ACTN4: variants seen among roughly 807,000 people sequenced by gnomAD.
ACTN4 encodes the protein actinin alpha 4, also known as alpha-actinin-4.
A neutral mutation model predicts 114.2 loss-of-function variants in ACTN4; 18 were observed. That is an observed-to-expected ratio of 0.16 (90% CI 0.11 to 0.23). The LOEUF (loss-of-function observed/expected upper bound fraction) is 0.23, where lower values mean the gene tolerates loss of function less well. ACTN4 is among the 10% of genes least tolerant of loss of function. ACTN4 has a pLI of 1.00. For synonymous variants in ACTN4, 515 were observed against 506.3 expected, an observed-to-expected ratio of 1.02 and a Z score of -0.23; for missense variants, 722 against 1,262.9, an observed-to-expected ratio of 0.57 and a Z score of 6.49.
At position 38,727,134 on chromosome 19, in the gene ACTN4, C is replaced by T; in HGVS notation, c.2337+31C>T. The T allele has an allele frequency of 6.2e-7, 1 of 1,613,102 alleles. No individual in the cohort carries two copies. The highest frequency in any genetic ancestry group is 8.5e-7 in the Non-Finnish European group (1 of 1,179,898). On this transcript the variant is annotated intron_variant, in intron 18 of 20. Transcript: ENST00000252699. The surrounding 1 kb of genome is among the most constrained non-coding windows in gnomAD (Gnocchi z 5.4). The stretch of plus-strand genomic sequence containing the variant: ...CAGCCTGCCACCTCCTCGGCCTCTC[C>T]CCTCCCGCCGTTGCCGTACCAGCCC...
chr19:38,660,494 C>G (rs1310332186), intron 1 of ACTN4, among the ~76,000 whole-genome samples: 1 of 151,830 alleles, frequency 6.6e-6, no homozygotes, highest in Non-Finnish European at 1.5e-5. Flanking sequence ...CTCCTGGGTT[C>G]AAGCAATTCT....
In ACTN4 at chr19:38,673,488, CATATATATTTATATATATGA is replaced by C. The variant is rs1415966107; in HGVS notation, c.162+25600_162+25619del. Among the ~76,000 whole-genome samples the C allele has an allele frequency of 4.8e-4, 22 of 45,738 alleles. 1 individual carries two copies. The highest frequency in any genetic ancestry group is 7.6e-4 in the Non-Finnish European group (14 of 18,438). 30.0% of individuals were successfully genotyped at this position (45,738 alleles called of 152,430 possible). Reference sequence around the variant, plus strand: ...ATTTATATATATTTATATATATATTCATATATATTTATATATATGAATATATATTTATATATATTCATATA... The same window carrying C: ...ATTTATATATATTTATATATATATTCATATATATTTATATATATTCATATA... On this transcript the variant is annotated intron_variant, in intron 1 of 20. Transcript: ENST00000252699.
intron 20 of ACTN4, 26 bp downstream of exon 20, chr19:38,729,180 TG>T: frequency 6.2e-7 from 1 of 1,612,444 alleles, no homozygotes; most frequent in Non-Finnish European, 8.5e-7. Context: ...ACGAGGTGCA[TG>T]GGGGCTGGCG....
chr19:38,684,520 T>A (rs1174049428), intron 1 of ACTN4, among the ~76,000 whole-genome samples: 3 of 152,174 alleles, frequency 2.0e-5, no homozygotes, highest in African/African-American at 4.8e-5. Context: ...AGGGGCCCCT[T>A]TGTCCTTTGA....
chr19:38,725,050 C>T (rs547382895), intron 16 of ACTN4, among the ~76,000 whole-genome samples: 2 of 152,134 alleles, frequency 1.3e-5, no homozygotes, highest in Non-Finnish European at 2.9e-5. Flanking sequence ...TCCTGTCCTC[C>T]CAGCTCTAAA....
Position 38,717,877 on chromosome 19 carries a change from G to A in ACTN4, c.1144-50G>A. 6.4e-7 allele frequency: 1 copy of A among 1,556,160 alleles called. No individual in the cohort carries two copies. The highest frequency in any genetic ancestry group is 8.7e-7 in the Non-Finnish European group (1 of 1,150,038). On this transcript the variant is annotated intron_variant, in intron 10 of 20. Coordinates refer to ENST00000252699, the MANE Select transcript of ACTN4 (RefSeq NM_004924.6). The surrounding 1 kb of genome is among the most constrained non-coding windows in gnomAD (Gnocchi z 4.0). ...AGCATCCCTTGGAGACATCCCCCTG[G>A]GTGCCTCCACTTCCTTGTGATAGCC...
rs761068296 is a variant in ACTN4, at chr19:38,701,109, A to G, written c.385A>G (p.Ile129Val). 8.7e-6 allele frequency: 14 copies of G among 1,614,034 alleles called. No homozygotes were observed. Among genetic ancestry groups the G allele is most frequent in the East Asian group, 2.2e-5 (1 of 44,886 alleles). The change falls in exon 3 of 21, where the codon ATC becomes GTC. Residue 129 changes from isoleucine to valine, a missense_variant. Transcript: ENST00000252699. ...CAGCAAAGGCGTCAAGCTGGTCTCC[A>G]TCGGGGCAGAAGGTGAGCTGGAGGT... ...IASKGVKLVS[I>V]GAEEIVDGNA...
intron 1 of ACTN4, among the ~76,000 whole-genome samples, chr19:38,658,113 C>T (rs1976765546): frequency 6.6e-6 from 1 of 152,140 alleles, no homozygotes; most frequent in Non-Finnish European, 1.5e-5. Flanking sequence ...GGCACAGCAG[C>T]CTTGCCAGGT....
chr19:38,681,254 A>T (rs991148899), intron 1 of ACTN4, among the ~76,000 whole-genome samples: 2 of 151,882 alleles, frequency 1.3e-5, no homozygotes, highest in Non-Finnish European at 2.9e-5. Context: ...GATGCACAGG[A>T]AATGCTCCAA....
chr19:38,706,539 A>G (rs1968465086), intron 5 of ACTN4, among the ~76,000 whole-genome samples: 1 of 152,022 alleles, frequency 6.6e-6, no homozygotes, highest in Admixed American at 6.6e-5. Context: ...TCAGCCTCCC[A>G]AGTAGCTGGG....
intron 1 of ACTN4, among the ~76,000 whole-genome samples, chr19:38,673,701 TTATATATTTATATATTTATATATACTTA>T (rs1568690844): frequency 1.6e-5 from 1 of 60,616 alleles, no homozygotes; most frequent in African/African-American, 5.3e-5. Flanking sequence ...TTATATATAT[TTATATATTTATATATTTATATATACTTA>T]TATATATTTA....
Position 38,683,886 on chromosome 19 carries a change from A to C in ACTN4, c.163-16714A>C, listed in dbSNP as rs147408017. ...CCCATGACTCACCCAGTGGCTCAGC[A>C]TGGGGCCTGCTGCACTGTGGCTGCT... On this transcript the variant is annotated intron_variant, in intron 1 of 20. Transcript: ENST00000252699. 1,013 of 152,450 alleles carry C rather than the reference A, an allele frequency of 6.6e-3. 18 individuals carry two copies. The highest frequency in any genetic ancestry group is 0.046 in the East Asian group (238 of 5,182). 9.4% of individuals were successfully genotyped at this position (152,450 alleles called of 1,614,324 possible). A position where few individuals can be genotyped will look rare whatever the true frequency, so the allele number is the denominator to read the frequency against.
chr19:38,692,508 C>T (rs976832682), intron 1 of ACTN4, among the ~76,000 whole-genome samples: 8 of 152,260 alleles, frequency 5.3e-5, no homozygotes, highest in African/African-American at 1.7e-4. Flanking sequence ...AGAGGCTCCA[C>T]GGGCCCCCTT....
intron 1 of ACTN4, among the ~76,000 whole-genome samples, chr19:38,693,774 G>T (rs1262231046): frequency 6.6e-6 from 1 of 152,184 alleles, no homozygotes; most frequent in Non-Finnish European, 1.5e-5. Context: ...GAGATGCTAG[G>T]TCTCCGTCTC....
Position 38,730,706 on chromosome 19 carries a change from T to TC in ACTN4, c.*1275dup. The TC allele has an allele frequency of 2.1e-6, 2 of 966,176 alleles. No homozygotes were observed. Among genetic ancestry groups the TC allele is most frequent in the Non-Finnish European group, 3.1e-6 (2 of 641,368 alleles). The allele number at this position is 966,176 out of a possible 1,614,324, so 59.9% of individuals were successfully genotyped here. ...GTGAGGAGTACGCAGGCCAGAGTGG[T>TC]CACCCGGCCGTGAGCAGTGAGGGCC... is the stretch of plus-strand genomic sequence containing the variant. On this transcript the variant is annotated 3_prime_UTR_variant, in exon 21 of 21. Coordinates refer to ENST00000252699, the MANE Select transcript of ACTN4 (RefSeq NM_004924.6).
At chr19:38,648,743 A>G (rs1343706794) in intron 1 of ACTN4, among the ~76,000 whole-genome samples, 1 of 151,758 alleles carries the variant, frequency 6.6e-6, no homozygotes, top group Non-Finnish European at 1.5e-5. Flanking sequence ...GGAATTGATG[A>G]GGGATGGAGA....
intron 1 of ACTN4, among the ~76,000 whole-genome samples, chr19:38,661,310 A>C (rs997005049): frequency 1.3e-5 from 2 of 152,188 alleles, no homozygotes; most frequent in African/African-American, 4.8e-5. Flanking sequence ...GCAGAACATG[A>C]ATCAGCCAAA....
At chr19:38,728,381 G>A (rs1969321192) in intron 19 of ACTN4, 2 of 1,372,894 alleles carry the variant, frequency 1.5e-6, no homozygotes, top group Non-Finnish European at 1.9e-6. Flanking sequence ...GATACAGCCT[G>A]GTATGCAGCT....
Position 38,729,041 on chromosome 19 carries a change from C to A in ACTN4, c.2464C>A (p.His822Asn). ...NRIMSLVDPN[H>N]SGLVTFQAFI... ...CATCATGAGCCTGGTCGACCCCAACCATAGCGGCCTTGTGACCTTCCAAGC... is the reference window on the plus strand; with the variant it reads ...CATCATGAGCCTGGTCGACCCCAACAATAGCGGCCTTGTGACCTTCCAAGC... Residue 822 changes from histidine to asparagine, a missense_variant, in exon 20 of 21, where the codon CAT becomes AAT. By Grantham distance (68) the His-to-Asn change is moderately conservative. This residue lies in a region of ACTN4 where 523 missense variants were observed against 875.9 expected (regional missense o/e 0.60). Transcript: ENST00000252699. The A allele has an allele frequency of 6.2e-7, 1 of 1,613,590 alleles. No individual in the cohort carries two copies. Among genetic ancestry groups the A allele is most frequent in the Non-Finnish European group, 8.5e-7 (1 of 1,180,036 alleles).
Sources: gnomAD v4.1 joint callset for allele counts (sites outside exome capture counted in the v4.1 genomes callset) on GRCh38, gnomAD v4.1.1 for gene constraint, gnomAD v4.1.1 regional missense constraint, Gnocchi (gnomAD v3.1) non-coding constraint, MANE v1.5 for transcripts, NCBI Gene and HGNC (gene_info 2026-07-23, HGNC 2026-07-21) for gene names.